IL1RAPL2: variants seen among roughly 807,000 people sequenced by gnomAD.
The protein encoded by IL1RAPL2 is interleukin 1 receptor accessory protein like 2.
IL1RAPL2 carries 3 observed loss-of-function variants against 44.1 expected under a neutral mutation model. The ratio of observed to expected loss-of-function variants is 0.07; its 90% CI spans 0.03 to 0.18. The LOEUF (loss-of-function observed/expected upper bound fraction) is 0.18. IL1RAPL2 is among the 10% of genes least tolerant of loss of function. The pLI, the probability that IL1RAPL2 is intolerant of heterozygous loss-of-function variation, is 1.00. For missense variants in IL1RAPL2, 391 were observed against 496.4 expected (o/e 0.79, Z 2.02); for synonymous variants, 181 against 178.8 (o/e 1.01, Z -0.10).
intron 2 of IL1RAPL2, among the ~76,000 whole-genome samples, chrX:105,033,089 T>C (rs913013307): frequency 2.7e-5 from 3 of 111,649 alleles, no homozygotes; most frequent in African/African-American, 6.5e-5. Flanking sequence ...GATCTTCCTC[T>C]ATCCCTTTAT....
At chrX:104,882,905 G>C (rs777598308) in intron 2 of IL1RAPL2, among the ~76,000 whole-genome samples, 1 of 111,215 alleles carries the variant, frequency 9.0e-6, no homozygotes, top group East Asian at 2.8e-4. Context: ...AAACAACTCC[G>C]GACGCCCCAC....
chrX:104,761,686 C>T (rs2067171412), intron 2 of IL1RAPL2, among the ~76,000 whole-genome samples: 1 of 111,705 alleles, frequency 9.0e-6, no homozygotes, highest in Non-Finnish European at 1.9e-5. Flanking sequence ...TTCGTAGATA[C>T]AATGGGGGTA....
Position 104,623,233 on chromosome X carries a change from A to G in IL1RAPL2, c.-19-35662A>G, listed in dbSNP as rs147020472. On this transcript the variant is annotated intron_variant, in intron 1 of 10. Transcript: ENST00000372582. ...TTTGTACTTATCTAGGTTAAAGGAAACAGTAGTAGCTTGACCTCTAGATAT... is the reference window on the plus strand; with the variant it reads ...TTTGTACTTATCTAGGTTAAAGGAAGCAGTAGTAGCTTGACCTCTAGATAT... Among the ~76,000 whole-genome samples, 280 of 110,637 alleles carry G rather than the reference A, an allele frequency of 2.5e-3. 4 individuals carry two copies. The East Asian group carries it at 0.047, about 19-fold the overall frequency.
chrX:105,670,963 T>C (rs962095792), intron 6 of IL1RAPL2, among the ~76,000 whole-genome samples: 2 of 108,550 alleles, frequency 1.8e-5, no homozygotes, highest in African/African-American at 6.7e-5. Context: ...ATTTATTTAT[T>C]TTGAGAGAGA....
chrX:104,941,765 G>A (rs989011073), intron 2 of IL1RAPL2, among the ~76,000 whole-genome samples: 3 of 111,714 alleles, frequency 2.7e-5, no homozygotes, highest in Admixed American at 1.9e-4. Flanking sequence ...TAGTCAAGAA[G>A]TCCTTGCCCA....
At chrX:105,117,444 C>A (rs1393683994) in intron 2 of IL1RAPL2, among the ~76,000 whole-genome samples, 1 of 111,998 alleles carries the variant, frequency 8.9e-6, no homozygotes, top group African/African-American at 3.3e-5. Flanking sequence ...AGAGTTGACA[C>A]AGACACTCAA....
rs1206055391 is a variant in IL1RAPL2 at position 105,233,145 on chromosome X, G to A, written c.357-673G>A. ...AAAAATACAAAAAAATTAGCCGGGC[G>A]TGGTGGCGGGTGCCTGTAGTTCCAG... On this transcript the variant is annotated intron_variant, in intron 3 of 10. Transcript: ENST00000372582. Among the ~76,000 whole-genome samples, 8 of 111,323 alleles carry A rather than the reference G, an allele frequency of 7.2e-5. 1 individual carries two copies. Among genetic ancestry groups the A allele is most frequent in the Admixed American group, 1.9e-4 (2 of 10,442 alleles).
At chrX:104,926,713 A>G (rs1226437357) in intron 2 of IL1RAPL2, among the ~76,000 whole-genome samples, 1 of 112,071 alleles carries the variant, frequency 8.9e-6, no homozygotes, top group African/African-American at 3.2e-5. Context: ...CCTCATATTA[A>G]TAGTAAATCT....
At chrX:105,667,723 G>A (rs983249430) in intron 6 of IL1RAPL2, among the ~76,000 whole-genome samples, 4 of 111,309 alleles carry the variant, frequency 3.6e-5, no homozygotes, top group Non-Finnish European at 5.6e-5. Context: ...AAAATAAATC[G>A]TTTACTCCTT....
intron 6 of IL1RAPL2, among the ~76,000 whole-genome samples, chrX:105,660,009 T>C (rs1292314722): frequency 9.0e-6 from 1 of 111,109 alleles, no homozygotes; most frequent in Non-Finnish European, 1.9e-5. Flanking sequence ...GAAGAAGATA[T>C]AAATATTCAA....
At chrX:105,461,596 A>G (rs1004420010) in intron 5 of IL1RAPL2, among the ~76,000 whole-genome samples, 2 of 111,507 alleles carry the variant, frequency 1.8e-5, no homozygotes, top group Non-Finnish European at 3.8e-5. Flanking sequence ...AGGCTGTCTG[A>G]AGAGTAAGCT....
chrX:104,692,545 C>T (rs1312688014), intron 2 of IL1RAPL2, among the ~76,000 whole-genome samples: 4 of 108,447 alleles, frequency 3.7e-5, no homozygotes, highest in African/African-American at 6.7e-5. Flanking sequence ...TGTTCCCCTT[C>T]CTGTGTCCAT....
intron 1 of IL1RAPL2, among the ~76,000 whole-genome samples, chrX:104,652,899 T>C (rs1930178592): frequency 9.0e-6 from 1 of 111,233 alleles, no homozygotes; most frequent in Non-Finnish European, 1.9e-5. Context: ...GGCTAGGAGT[T>C]TGGGGACATG....
intron 2 of IL1RAPL2, among the ~76,000 whole-genome samples, chrX:104,907,283 T>G (rs1309702794): frequency 8.9e-6 from 1 of 111,897 alleles, no homozygotes; most frequent in African/African-American, 3.2e-5. Context: ...TTTGAAGGGT[T>G]TTTTGTGTCT....
At chrX:105,429,157 C>T (rs1194936856) in intron 5 of IL1RAPL2, among the ~76,000 whole-genome samples, 1 of 111,643 alleles carries the variant, frequency 9.0e-6, no homozygotes, top group Admixed American at 9.6e-5. Flanking sequence ...TAATACTGTA[C>T]AGATTCTAAA....
chrX:104,887,055 C>T (rs1258856129), intron 2 of IL1RAPL2, among the ~76,000 whole-genome samples: 1 of 112,484 alleles, frequency 8.9e-6, no homozygotes, highest in African/African-American at 3.2e-5. Context: ...GACCAGGGCC[C>T]TCAGCAAGGA....
chrX:105,014,913 T>G (rs926814846), intron 2 of IL1RAPL2, among the ~76,000 whole-genome samples: 1 of 112,222 alleles, frequency 8.9e-6, no homozygotes, highest in Non-Finnish European at 1.9e-5. Flanking sequence ...ATGGTTGAAC[T>G]AATTTACACT....
At position 104,844,894 on chromosome X, in the gene IL1RAPL2, G is replaced by A. The variant is rs755744233; in HGVS notation, c.82+185899G>A. On this transcript the variant is annotated intron_variant, in intron 2 of 10. Coordinates refer to ENST00000372582, the MANE Select transcript of IL1RAPL2 (RefSeq NM_017416.2). The stretch of plus-strand genomic sequence containing the variant: ...CTCTTCTGCCACAGAGTAGTTCTGC[G>A]ACTTTGGAGAAGTTGCCTTTATGGC... Among the ~76,000 whole-genome samples the A allele has an allele frequency of 4.5e-5, 5 of 111,964 alleles. No homozygotes were observed. In the South Asian group the frequency reaches 1.1e-3, roughly 25 times the overall value.
intron 2 of IL1RAPL2, among the ~76,000 whole-genome samples, chrX:104,840,493 C>A (rs1334371283): frequency 1.8e-5 from 2 of 111,191 alleles, no homozygotes; most frequent in African/African-American, 6.5e-5. Flanking sequence ...ATAATGTGGT[C>A]AGTTTTACAA....
Sources: gnomAD v4.1 joint callset for allele counts (sites outside exome capture counted in the v4.1 genomes callset) on GRCh38, gnomAD v4.1.1 for gene constraint, MANE v1.5 for transcripts, NCBI Gene and HGNC (gene_info 2026-07-23, HGNC 2026-07-21) for gene names.